The following TUBGCP5 variants were observed in gnomAD, a reference collection of about 807,000 sequenced individuals.
The protein encoded by TUBGCP5 is tubulin gamma complex component 5.
In TUBGCP5, 98 loss-of-function variants were observed where a neutral mutation model predicts 134.7. The ratio of observed to expected loss-of-function variants is 0.73; its 90% CI spans 0.62 to 0.86. The LOEUF (loss-of-function observed/expected upper bound fraction) is 0.86, where lower values mean the gene tolerates loss of function less well. TUBGCP5 is among the 40% of genes least tolerant of loss of function. The pLI, the probability that TUBGCP5 is intolerant of heterozygous loss-of-function variation, is 0.00. For synonymous variants in TUBGCP5, 456 were observed against 431.4 expected, an observed-to-expected ratio of 1.06 and a Z score of -0.71; for missense variants, 1,150 against 1,244.8, an observed-to-expected ratio of 0.92 and a Z score of 1.15.
intron 23 of TUBGCP5, among the ~76,000 whole-genome samples, chr15:22,989,495 A>G (rs1255929478): frequency 6.6e-6 from 1 of 152,206 alleles, no homozygotes; most frequent in Non-Finnish European, 1.5e-5. Context: ...TGGCACCCAT[A>G]CATATCCCCT....
intron 4 of TUBGCP5, 35 bp from the exon 5 acceptor site, chr15:23,032,064 T>C (rs1464144688): frequency 6.6e-7 from 1 of 1,518,976 alleles, no homozygotes. Flanking sequence ...TTGGCTTTAT[T>C]ATATCTATCT....
chr15:22,998,805 C>T (rs183503179), downstream of TUBGCP5, among the ~76,000 whole-genome samples: 760 of 152,110 alleles, frequency 5.0e-3, 3 homozygotes, highest in Admixed American at 5.4e-3. Context: ...TTAGTAGAGA[C>T]GGGGTTTCAC....
intron 3 of TUBGCP5, among the ~76,000 whole-genome samples, chr15:23,036,342 A>G (rs1030973788): frequency 6.6e-6 from 1 of 152,232 alleles, no homozygotes; most frequent in Non-Finnish European, 1.5e-5. Flanking sequence ...TGACTCCACT[A>G]GGAAGGAACA....
chr15:23,017,123 T>C (rs2065383316), intron 13 of TUBGCP5, among the ~76,000 whole-genome samples: 1 of 151,606 alleles, frequency 6.6e-6, no homozygotes. Flanking sequence ...AGCTAAAAAA[T>C]GTTGATCTCG....
downstream of TUBGCP5, among the ~76,000 whole-genome samples, chr15:22,997,203 G>A (rs1409991872): frequency 6.6e-6 from 1 of 151,208 alleles, no homozygotes; most frequent in East Asian, 1.9e-4. Context: ...CTTTTGAGAC[G>A]GAGTCTTGCT....
At chr15:23,032,847 TA>T in intron 3 of TUBGCP5, 23 bp from the exon 4 acceptor site, 1 of 1,512,884 alleles carries the variant, frequency 6.6e-7, no homozygotes, top group East Asian at 2.4e-5. Flanking sequence ...AAAAAGAACA[TA>T]AATCTCTGAG....
rs747694143 is a variant in TUBGCP5, at chr15:22,999,626, C to T, written c.*194G>A. On this transcript the variant is annotated 3_prime_UTR_variant, in exon 23 of 23. Coordinates refer to ENST00000615383, the MANE Select transcript of TUBGCP5 (RefSeq NM_052903.6). ...ATGTTGCCCAGGCTGGCCTCAAACT[C>T]CTGGGCTCAAGTGATCTGCCTGTCT... 27 of 595,746 alleles carry T rather than the reference C, an allele frequency of 4.5e-5. No homozygotes were observed. Among genetic ancestry groups the T allele is most frequent in the Non-Finnish European group, 7.3e-5 (25 of 341,550 alleles). 36.9% of individuals were successfully genotyped at this position (595,746 alleles called of 1,614,324 possible).
chr15:23,005,662 C>G (rs1016589143), intron 18 of TUBGCP5, 52 bp from the exon 19 acceptor site: 3 of 1,547,560 alleles, frequency 1.9e-6, no homozygotes, highest in African/African-American at 1.4e-5. Context: ...AACTCAAACC[C>G]CACTGCACCA....
intron 15 of TUBGCP5, among the ~76,000 whole-genome samples, chr15:23,009,529 A>G (rs1393347243): frequency 2.6e-5 from 4 of 152,084 alleles, no homozygotes; most frequent in African/African-American, 9.6e-5. Context: ...CAGCCTCCCA[A>G]AGTGCTGGGA....
chr15:23,022,404 G>A (rs1398044698), intron 10 of TUBGCP5, among the ~76,000 whole-genome samples: 1 of 152,164 alleles, frequency 6.6e-6, no homozygotes. Flanking sequence ...AAAAAGGAAT[G>A]ATGAGTGATT....
At chr15:23,027,087 C>G in intron 7 of TUBGCP5, 105 bp downstream of exon 7, 1 of 879,464 alleles carries the variant, frequency 1.1e-6, no homozygotes, top group African/African-American at 1.7e-5. Context: ...AAAACAAAAA[C>G]AAGTTTAAAT....
chr15:23,011,699 C>T (rs1277671295), intron 13 of TUBGCP5, among the ~76,000 whole-genome samples: 9 of 138,270 alleles, frequency 6.5e-5, no homozygotes, highest in East Asian at 2.2e-4. Context: ...TTAGTACAGA[C>T]GGGGTTTCAC....
rs750751827 is a variant in TUBGCP5, at chr15:23,039,516, G to A, written c.28C>T (p.Arg10Trp). Reference protein sequence around the residue: MARHGPPWSRLDAQQERDVR... With the variant: MARHGPPWSWLDAQQERDVR... The stretch of plus-strand genomic sequence containing the variant: ...TCGCGCTCCTGCTGCGCGTCCAACC[G>A]ACTCCACGGTGGCCCGTGCCGCGCC... Residue 10 changes from arginine to tryptophan, a missense_variant, in exon 1 of 23, where the codon CGG becomes TGG. Arg to Trp is a moderately radical substitution (Grantham distance 101). Coordinates refer to ENST00000615383, the MANE Select transcript of TUBGCP5 (RefSeq NM_052903.6). 13 of 1,499,328 alleles carry A rather than the reference G, an allele frequency of 8.7e-6. No individual in the cohort carries two copies. The highest frequency in any genetic ancestry group is 5.1e-5 in the South Asian group (4 of 78,864). The allele number at this position is 1,499,328 out of a possible 1,614,324, so 92.9% of individuals were successfully genotyped here.
At chr15:22,994,742 A>G (rs80249878), downstream of TUBGCP5, among the ~76,000 whole-genome samples, 981 of 152,320 alleles carry the variant, frequency 6.4e-3, 5 homozygotes, top group African/African-American at 0.021. Context: ...TTGCTGGGTG[A>G]TAAGTTGTTT....
Position 23,030,881 on chromosome 15 carries a change from A to G in TUBGCP5, c.622+4T>C, listed in dbSNP as rs1437805925. The G allele has an allele frequency of 6.2e-7, 1 of 1,609,776 alleles. No individual in the cohort carries two copies. The highest frequency in any genetic ancestry group is 8.5e-7 in the Non-Finnish European group (1 of 1,179,142). ...AAATGCGAGCACCTCATAACACATA[A>G]TACCTTTCCAACTGATACAAGGATC... is the stretch of plus-strand genomic sequence containing the variant. On this transcript the variant is annotated splice_donor_region_variant and intron_variant, in intron 6 of 22. Coordinates refer to ENST00000615383, the MANE Select transcript of TUBGCP5 (RefSeq NM_052903.6).
At position 22,999,192 on chromosome 15, in the gene TUBGCP5, TA is replaced by T. The variant is rs2064232476; in HGVS notation, c.*627del. On this transcript the variant is annotated 3_prime_UTR_variant, in exon 23 of 23. Coordinates refer to ENST00000615383, the MANE Select transcript of TUBGCP5 (RefSeq NM_052903.6). ...GATAATAAAATGATTTTAAGTCCTTTAATTTATTTTGAATATCAGTAATTAC... is the reference window on the plus strand; with the variant it reads ...GATAATAAAATGATTTTAAGTCCTTTATTTATTTTGAATATCAGTAATTAC... The T allele has an allele frequency of 6.6e-6, 1 of 152,232 alleles. No individual in the cohort carries two copies. Among genetic ancestry groups the T allele is most frequent in the Non-Finnish European group, 1.5e-5 (1 of 68,046 alleles). The allele number at this position is 152,232 out of a possible 1,614,324, so 9.4% of individuals were successfully genotyped here. A position where few individuals can be genotyped will look rare whatever the true frequency, so the allele number is the denominator to read the frequency against.
chr15:22,988,718 A>G (rs2063759252), intron 23 of TUBGCP5, among the ~76,000 whole-genome samples: 1 of 142,416 alleles, frequency 7.0e-6, no homozygotes, highest in African/African-American at 2.7e-5. Flanking sequence ...CCTGGACGAC[A>G]GAGCGAGACT....
At chr15:23,016,117 C>A (rs1428888465) in intron 13 of TUBGCP5, among the ~76,000 whole-genome samples, 2 of 152,270 alleles carry the variant, frequency 1.3e-5, no homozygotes, top group East Asian at 3.9e-4. Flanking sequence ...AATAAACACT[C>A]AACAAAATCA....
At chr15:22,993,000 C>T (rs183787598) in intron 23 of TUBGCP5, among the ~76,000 whole-genome samples, 38 of 151,980 alleles carry the variant, frequency 2.5e-4, no homozygotes, top group Non-Finnish European at 3.4e-4. Context: ...CCTCCCCATA[C>T]GGCAAATGAT....
Sources: gnomAD v4.1 joint callset for allele counts (sites outside exome capture counted in the v4.1 genomes callset) on GRCh38, gnomAD v4.1.1 for gene constraint, MANE v1.5 for transcripts, NCBI Gene and HGNC (gene_info 2026-07-23, HGNC 2026-07-21) for gene names.